Variants in PTPRD observed in about 807,000 individuals in gnomAD.
PTPRD encodes the protein receptor-type tyrosine-protein phosphatase delta.
Under a neutral mutation model 214.5 loss-of-function variants are expected in PTPRD, and 34 were observed. The observed-to-expected ratio is 0.16, with a 90% CI of 0.12 to 0.21. PTPRD has a LOEUF of 0.21. Ranked by LOEUF, PTPRD falls within the 10% of genes least tolerant of loss-of-function variation. The pLI, the probability that PTPRD is intolerant of heterozygous loss-of-function variation, is 1.00. For missense variants in PTPRD, 2,545 were observed against 2,398.7 expected, an observed-to-expected ratio of 1.06 and a Z score of -1.27; for synonymous variants, 1,128 against 845.7, an observed-to-expected ratio of 1.33 and a Z score of -5.79.
intron 3 of PTPRD, among the ~76,000 whole-genome samples, chr9:10,194,941 A>AT (rs113659073): frequency 0.15 from 20,621 of 137,020 alleles, 1,807 homozygotes; most frequent in East Asian, 0.4. Context: ...TTTTCATTTA[A>AT]TTTTTTTTTT....
chr9:9,116,178 A>G (rs919478564), intron 10 of PTPRD, among the ~76,000 whole-genome samples: 1 of 149,420 alleles, frequency 6.7e-6, no homozygotes, highest in Non-Finnish European at 1.5e-5. Context: ...CTCACGTAAC[A>G]AACTGCTCAT....
chr9:8,903,196 C>T (rs914201671), intron 11 of PTPRD, among the ~76,000 whole-genome samples: 2 of 151,254 alleles, frequency 1.3e-5, no homozygotes, highest in African/African-American at 4.9e-5. Flanking sequence ...TACATGTGGA[C>T]GTTTGTTACC....
chr9:10,280,428 C>G (rs187861550), intron 3 of PTPRD, among the ~76,000 whole-genome samples: 1 of 151,810 alleles, frequency 6.6e-6, no homozygotes, highest in Admixed American at 6.6e-5. Flanking sequence ...AAAGCATAGA[C>G]CATCTCCACC....
rs530315261 is a variant in PTPRD at position 9,238,860 on chromosome 9, G to T, written c.-202-55497C>A. Among the ~76,000 whole-genome samples the T allele has an allele frequency of 5.9e-5, 9 of 152,170 alleles. 1 individual carries two copies. The highest frequency in any genetic ancestry group is 2.2e-4 in the African/African-American group (9 of 41,534). Reference sequence around the variant, plus strand: ...ATTGGTCTCCAAAATATAACTTTCTGATATTCAGCCCCTTATTTTGAATAA... The same window carrying T: ...ATTGGTCTCCAAAATATAACTTTCTTATATTCAGCCCCTTATTTTGAATAA... On this transcript the variant is annotated intron_variant, in intron 9 of 45. Coordinates refer to ENST00000381196, the MANE Select transcript of PTPRD (RefSeq NM_002839.4).
intron 44 of PTPRD, among the ~76,000 whole-genome samples, chr9:8,320,820 G>C (rs747787827): frequency 2.4e-4 from 36 of 152,180 alleles, no homozygotes; most frequent in Admixed American, 1.3e-3. Context: ...TTAATTCATA[G>C]CTCTTGTGCA....
At chr9:9,593,140 G>GAAAAGAAAA (rs1563920992) in intron 7 of PTPRD, among the ~76,000 whole-genome samples, 22 of 95,334 alleles carry the variant, frequency 2.3e-4, no homozygotes, top group African/African-American at 7.6e-4. Context: ...GGAAAGGAAA[G>GAAAAGAAAA]GGAAAGAAAA....
Position 9,815,404 on chromosome 9 carries a change from C to G in PTPRD, c.-367-48553G>C, listed in dbSNP as rs537402192. On this transcript the variant is annotated intron_variant, in intron 5 of 45. Coordinates refer to ENST00000381196, the MANE Select transcript of PTPRD (RefSeq NM_002839.4). ...AAATACTTAAATATGAGAACTAAAGCTATAAAACTAAAAGGAAACGTAGAG... is the reference window on the plus strand; with the variant it reads ...AAATACTTAAATATGAGAACTAAAGGTATAAAACTAAAAGGAAACGTAGAG... Among the ~76,000 whole-genome samples, 4 of 152,078 alleles carry G rather than the reference C, an allele frequency of 2.6e-5. No homozygotes were observed. In the South Asian group the frequency reaches 6.2e-4, roughly 24 times the overall value.
intron 5 of PTPRD, among the ~76,000 whole-genome samples, chr9:9,922,187 G>A (rs2153878713): frequency 6.6e-6 from 1 of 152,224 alleles, no homozygotes; most frequent in African/African-American, 2.4e-5. Context: ...ATGAACTGCA[G>A]TTCTGAACAG....
At chr9:8,782,010 A>T (rs892290586) in intron 11 of PTPRD, among the ~76,000 whole-genome samples, 3 of 151,884 alleles carry the variant, frequency 2.0e-5, no homozygotes, top group Admixed American at 6.6e-5. Context: ...AAAACTGTAT[A>T]TATATTATGC....
At chr9:8,456,010 G>A (rs888334321) in intron 33 of PTPRD, among the ~76,000 whole-genome samples, 2 of 152,120 alleles carry the variant, frequency 1.3e-5, no homozygotes, top group Non-Finnish European at 2.9e-5. Context: ...ATTATAGGCC[G>A]AGGATTTTAT....
intron 9 of PTPRD, among the ~76,000 whole-genome samples, chr9:9,313,212 T>C (rs1206797622): frequency 6.6e-6 from 1 of 152,108 alleles, no homozygotes; most frequent in Non-Finnish European, 1.5e-5. Context: ...AAGTTACTGA[T>C]GATGTTAAAT....
At position 9,950,461 on chromosome 9, in the gene PTPRD, A is replaced by G. The variant is rs913979337; in HGVS notation, c.-471-11851T>C. On this transcript the variant is annotated intron_variant, in intron 4 of 45. Coordinates refer to ENST00000381196, the MANE Select transcript of PTPRD (RefSeq NM_002839.4). Reference sequence around the variant, plus strand: ...AAGTGGAGGCCGGGCGCGGTGGCTCACGCCTGTAATCCCAGCACTTTGGGA... The same window carrying G: ...AAGTGGAGGCCGGGCGCGGTGGCTCGCGCCTGTAATCCCAGCACTTTGGGA... Among the ~76,000 whole-genome samples, 16 of 34,696 alleles carry G rather than the reference A, an allele frequency of 4.6e-4. 7 individuals carry two copies. In the African/African-American group the frequency reaches 0.012, roughly 26 times the overall value. 22.8% of individuals were successfully genotyped at this position (34,696 alleles called of 152,430 possible).
At chr9:8,544,335 G>A (rs7019877) in intron 14 of PTPRD, among the ~76,000 whole-genome samples, 136 of 151,464 alleles carry the variant, frequency 9.0e-4, no homozygotes, top group African/African-American at 3.1e-3. Context: ...GCCTGTATCG[G>A]CCTCCCAAAG....
chr9:9,140,679 C>T (rs902876455), intron 10 of PTPRD, among the ~76,000 whole-genome samples: 23 of 152,300 alleles, frequency 1.5e-4, no homozygotes, highest in Non-Finnish European at 3.4e-4. Flanking sequence ...CCCGGGTTCA[C>T]GCCATTCTCC....
chr9:8,357,779 G>A lies in PTPRD; in HGVS notation c.4662-15801C>T, dbSNP rs141104455. On this transcript the variant is annotated intron_variant, in intron 39 of 45. Transcript: ENST00000381196. ...TGCTTATTACCCTGATAATTCTCAGGGATGCAGCATACATTTCCATTAATA... is the reference window on the plus strand; with the variant it reads ...TGCTTATTACCCTGATAATTCTCAGAGATGCAGCATACATTTCCATTAATA... Among the ~76,000 whole-genome samples the A allele has an allele frequency of 7.9e-5, 12 of 152,142 alleles. No homozygotes were observed. In the East Asian group the frequency reaches 2.3e-3, roughly 29 times the overall value.
chr9:8,675,974 G>C (rs181673406), intron 12 of PTPRD, among the ~76,000 whole-genome samples: 1 of 152,098 alleles, frequency 6.6e-6, no homozygotes, highest in Non-Finnish European at 1.5e-5. Flanking sequence ...CCAACCCTCA[G>C]AATCTAACAG....
intron 5 of PTPRD, among the ~76,000 whole-genome samples, chr9:9,880,065 A>C (rs559074211): frequency 6.6e-6 from 1 of 152,256 alleles, no homozygotes; most frequent in East Asian, 1.9e-4. Flanking sequence ...TATATCCCCA[A>C]GTGTCCAGGG....
intron 9 of PTPRD, among the ~76,000 whole-genome samples, chr9:9,314,285 T>C (rs540166224): frequency 2.0e-5 from 3 of 152,170 alleles, no homozygotes; most frequent in African/African-American, 7.2e-5. Flanking sequence ...CGGAACAAAA[T>C]TTGTATTCTG....
chr9:9,847,921 G>T (rs1420974963), intron 5 of PTPRD, among the ~76,000 whole-genome samples: 2 of 152,136 alleles, frequency 1.3e-5, no homozygotes, highest in African/African-American at 4.8e-5. Context: ...TCCACGTGAT[G>T]AAGCTACATC....
Sources: gnomAD v4.1 joint callset for allele counts (sites outside exome capture counted in the v4.1 genomes callset) on GRCh38, gnomAD v4.1.1 for gene constraint, MANE v1.5 for transcripts, NCBI Gene and HGNC (gene_info 2026-07-23, HGNC 2026-07-21) for gene names.